Variants in COL6A5 observed in about 807,000 individuals in gnomAD.
COL6A5 encodes collagen type VI alpha 5 chain.
Under a neutral mutation model 65.6 loss-of-function variants are expected in COL6A5, and 48 were observed. The observed-to-expected ratio is 0.73, with a 90% CI of 0.58 to 0.93. The LOEUF (loss-of-function observed/expected upper bound fraction) is 0.93. Among genes scored for constraint, COL6A5 ranks in the 40% least tolerant of loss-of-function variants. COL6A5 has a pLI of 0.00. For synonymous variants in COL6A5, 291 were observed against 322.8 expected (o/e 0.90, Z 1.05); for missense variants, 914 against 928.3 (o/e 0.98, Z 0.20).
At chr3:130,381,193 C>T (rs1423475158) in intron 4 of COL6A5, among the ~76,000 whole-genome samples, 2 of 151,976 alleles carry the variant, frequency 1.3e-5, no homozygotes, top group East Asian at 1.9e-4. Context: ...AAGCCAAGCG[C>T]CTAGGTTAAA....
Position 130,398,125 on chromosome 3 carries a change from GTTGT to G in COL6A5, c.3991+17_3991+20del. 4 of 1,061,732 alleles carry G rather than the reference GTTGT, an allele frequency of 3.8e-6. No homozygotes were observed. Among genetic ancestry groups the G allele is most frequent in the East Asian group, 3.4e-5 (1 of 29,230 alleles). 65.8% of individuals were successfully genotyped at this position (1,061,732 alleles called of 1,614,324 possible). On this transcript the variant is annotated intron_variant and NMD_transcript_variant, in intron 10 of 41. Transcript: ENST00000312481. ...TCAGAGAAGCAGGTATTGAGTTGTT[GTTGT>G]TTTTTTTTTTTTTTTTTTTGAGATG...
chr3:130,470,758 A>G, intron 6 of COL6A5, 113 bp from the exon 39 acceptor site: 2 of 719,928 alleles, frequency 2.8e-6, no homozygotes, highest in Non-Finnish European at 4.8e-6. Context: ...GAAGTCCGTT[A>G]TAAAAGTTGT....
rs374102663 is a variant in COL6A5 at position 130,421,277 on chromosome 3, G to A, written c.5002-48G>A. On this transcript the variant is annotated intron_variant and NMD_transcript_variant, in intron 26 of 41. Transcript: ENST00000312481. ...TAATACAAGAAGAAATGTTCATACTGCAGAAGTGATATGTTGATGTATTTA... is the reference window on the plus strand; with the variant it reads ...TAATACAAGAAGAAATGTTCATACTACAGAAGTGATATGTTGATGTATTTA... 281 of 1,547,246 alleles carry A rather than the reference G, an allele frequency of 1.8e-4. 1 individual carries two copies. The highest frequency in any genetic ancestry group is 2.3e-4 in the Non-Finnish European group (259 of 1,143,208).
chr3:130,419,146 G>C lies in COL6A5; in HGVS notation c.4950+215G>C, dbSNP rs149029529. Among the ~76,000 whole-genome samples, 19 of 152,164 alleles carry C rather than the reference G, an allele frequency of 1.2e-4. No homozygotes were observed. The East Asian group carries it at 3.7e-3, about 30-fold the overall frequency. ...AACAGCAAGCAGGAGAATGAGGGTA[G>C]GCAGAGAGGATAATGGATGAGTTAG... On this transcript the variant is annotated intron_variant and NMD_transcript_variant, in intron 25 of 41. Coordinates refer to the COL6A5 transcript ENST00000312481.
intron 6 of COL6A5, among the ~76,000 whole-genome samples, chr3:130,469,746 G>A (rs1306708712): frequency 1.3e-5 from 2 of 152,034 alleles, no homozygotes; most frequent in Non-Finnish European, 2.9e-5. Flanking sequence ...TTACTATGTG[G>A]CAGGTTCTTT....
intron 10 of COL6A5, among the ~76,000 whole-genome samples, chr3:130,399,743 T>C (rs1405509127): frequency 2.2e-4 from 2 of 8,986 alleles, no homozygotes; most frequent in East Asian, 1.6e-3. Flanking sequence ...CTTCCTGTAA[T>C]GAGATATATA....
At chr3:130,426,998 A>G (rs1937618198), upstream of COL6A5, among the ~76,000 whole-genome samples, 1 of 152,230 alleles carries the variant, frequency 6.6e-6, no homozygotes, top group South Asian at 2.1e-4. Context: ...AGGTAAATAT[A>G]TGATTGTTGG....
At chr3:130,396,097 A>G (rs1936591706) in intron 8 of COL6A5, among the ~76,000 whole-genome samples, 2 of 152,196 alleles carry the variant, frequency 1.3e-5, no homozygotes, top group African/African-American at 4.8e-5. Context: ...CTGAAAAACA[A>G]TGATGCATCT....
intron 7 of COL6A5, among the ~76,000 whole-genome samples, chr3:130,478,842 G>A (rs1372783653): frequency 6.6e-6 from 1 of 152,062 alleles, no homozygotes; most frequent in Non-Finnish European, 1.5e-5. Flanking sequence ...TAGAAATGGG[G>A]TATTTGAACT....
intron 24 of COL6A5, among the ~76,000 whole-genome samples, chr3:130,418,316 C>G (rs1321603365): frequency 1.3e-5 from 2 of 152,014 alleles, no homozygotes; most frequent in Non-Finnish European, 2.9e-5. Flanking sequence ...CTGGATCACT[C>G]TCACCCCTTT....
In COL6A5 at chr3:130,443,583, T is replaced by G; in HGVS notation, c.1332+17T>G. ...TGGTTTCCAGTAAGTTAGAAAGCTCTTATATTTACAAGTGACTGCTAATTG... is the reference window on the plus strand; with the variant it reads ...TGGTTTCCAGTAAGTTAGAAAGCTCGTATATTTACAAGTGACTGCTAATTG... On this transcript the variant is annotated intron_variant, in intron 4 of 7. Coordinates refer to ENST00000512836, the Ensembl canonical transcript of COL6A5. 9.1e-6 allele frequency: 14 copies of G among 1,530,594 alleles called. No homozygotes were observed. The highest frequency in any genetic ancestry group is 2.3e-5 in the East Asian group (1 of 44,352). 94.8% of individuals were successfully genotyped at this position (1,530,594 alleles called of 1,614,324 possible).
At chr3:130,423,607 C>T (rs993005464) in intron 28 of COL6A5, among the ~76,000 whole-genome samples, 5 of 152,082 alleles carry the variant, frequency 3.3e-5, no homozygotes, top group Non-Finnish European at 5.9e-5. Context: ...TTGAAATGCA[C>T]GGCCAGTGCC....
chr3:130,387,780 C>T (rs1315413982), intron 5 of COL6A5, among the ~76,000 whole-genome samples: 1 of 151,758 alleles, frequency 6.6e-6, no homozygotes, highest in Non-Finnish European at 1.5e-5. Context: ...AAGATACATG[C>T]TAAAGACAAT....
intron 4 of COL6A5, among the ~76,000 whole-genome samples, chr3:130,383,220 A>C (rs1936068031): frequency 6.6e-6 from 1 of 152,050 alleles, no homozygotes; most frequent in African/African-American, 2.4e-5. Context: ...GCTGCTAGTT[A>C]TATGGAGCTG....
exon 11 of COL6A5, chr3:130,401,167 G>A: frequency 6.5e-7 from 1 of 1,538,760 alleles, no homozygotes; most frequent in Non-Finnish European, 8.7e-7. Flanking sequence ...AACTATCACA[G>A]TACCTGGTGA....
At chr3:130,386,385 G>A (rs765369201) in intron 5 of COL6A5, among the ~76,000 whole-genome samples, 9 of 152,020 alleles carry the variant, frequency 5.9e-5, no homozygotes, top group Non-Finnish European at 1.2e-4. Flanking sequence ...GGTGGCTAAG[G>A]TGTTCACCGA....
chr3:130,438,203 G>A (rs1053426607), intron 1 of COL6A5, among the ~76,000 whole-genome samples: 5 of 152,048 alleles, frequency 3.3e-5, no homozygotes, highest in African/African-American at 1.2e-4. Flanking sequence ...TACTATGTTG[G>A]TCAGGCTAGT....
intron 1 of COL6A5, among the ~76,000 whole-genome samples, chr3:130,436,059 A>G (rs1433043563): frequency 1.2e-4 from 19 of 152,080 alleles, no homozygotes; most frequent in Admixed American, 1.2e-3. Flanking sequence ...CCCTACTGAT[A>G]TTCTAGAAAT....
At chr3:130,458,526 T>G (rs768975409) in intron 5 of COL6A5, among the ~76,000 whole-genome samples, 13 of 152,102 alleles carry the variant, frequency 8.5e-5, no homozygotes, top group Middle Eastern at 3.2e-3. Context: ...GCAATCTGGG[T>G]TTTAACAAGC....
Sources: gnomAD v4.1 joint callset for allele counts (sites outside exome capture counted in the v4.1 genomes callset) on GRCh38, gnomAD v4.1.1 for gene constraint, MANE v1.5 for transcripts, NCBI Gene and HGNC (gene_info 2026-07-23, HGNC 2026-07-21) for gene names.